The following IVD variants were observed in gnomAD, a reference collection of about 807,000 sequenced individuals.
IVD encodes isovaleryl-CoA dehydrogenase.
In IVD, 31 loss-of-function variants were observed where a neutral mutation model predicts 51.3. The observed-to-expected ratio is 0.60, with a 90% CI of 0.45 to 0.81. IVD has a LOEUF of 0.81. Ranked by LOEUF, IVD falls within the 40% of genes least tolerant of loss-of-function variation. The probability of loss-of-function intolerance (pLI) is 0.00; values close to 1 mark genes in which losing one functional copy is unlikely to be tolerated. For missense variants in IVD, 475 were observed against 552.0 expected, an observed-to-expected ratio of 0.86 and a Z score of 1.40; for synonymous variants, 205 against 219.4, an observed-to-expected ratio of 0.93 and a Z score of 0.58.
chr15:40,421,623 C>A (rs1892305377), downstream of IVD, among the ~76,000 whole-genome samples: 1 of 152,228 alleles, frequency 6.6e-6, no homozygotes, highest in Non-Finnish European at 1.5e-5. Context: ...CTGCCCCAGA[C>A]CTAATCACAT....
Position 40,420,183 on chromosome 15 carries a change from G to T in IVD, c.*1920G>T. 2 of 985,890 alleles carry T rather than the reference G, an allele frequency of 2.0e-6. No individual in the cohort carries two copies. Among genetic ancestry groups the T allele is most frequent in the African/African-American group, 1.7e-5 (1 of 57,390 alleles). The allele number at this position is 985,890 out of a possible 1,614,324, so 61.1% of individuals were successfully genotyped here. A position where few individuals can be genotyped will look rare whatever the true frequency, so the allele number is the denominator to read the frequency against. On this transcript the variant is annotated 3_prime_UTR_variant, in exon 12 of 12. Transcript: ENST00000487418. ...AGAGCAGAGGACAGCGTGCTTTTGT[G>T]TACTGTTGGAAGACTGGCTCCTCCT... is the stretch of plus-strand genomic sequence containing the variant.
In IVD at chr15:40,416,373, C is replaced by A; in HGVS notation, c.1138+11C>A. On this transcript the variant is annotated intron_variant, in intron 11 of 11. Transcript: ENST00000487418. ...GCATTCAGTGTTTTGGTGAGTGATC[C>A]CCACTTCCCAGTCCCGGGGCTCCCT... 1 of 1,612,788 alleles carries A rather than the reference C, an allele frequency of 6.2e-7. No homozygotes were observed. Among genetic ancestry groups the A allele is most frequent in the African/African-American group, 1.3e-5 (1 of 75,040 alleles).
intron 7 of IVD, among the ~76,000 whole-genome samples, chr15:40,430,521 A>G (rs1185877552): frequency 6.6e-6 from 1 of 152,202 alleles, no homozygotes; most frequent in Non-Finnish European, 1.5e-5. Context: ...GCTATGAGGC[A>G]GTCTATTTTG....
chr15:40,423,306 A>T (rs1892473061), downstream of IVD, among the ~76,000 whole-genome samples: 1 of 152,190 alleles, frequency 6.6e-6, no homozygotes, highest in Non-Finnish European at 1.5e-5. Context: ...AAGCTTATTT[A>T]AAAAAATAAA....
intron 1 of IVD, chr15:40,406,329 A>G: frequency 1.5e-6 from 2 of 1,353,882 alleles, no homozygotes; most frequent in South Asian, 2.5e-5. Flanking sequence ...TATGTAGTTC[A>G]CTTACACCTG....
At chr15:40,422,756 T>G (rs62018021), downstream of IVD, among the ~76,000 whole-genome samples, 1 of 70,906 alleles carries the variant, frequency 1.4e-5, no homozygotes, top group African/African-American at 3.4e-5. Flanking sequence ...TGTGCCACCA[T>G]GCCTGGCTAA....
intron 2 of IVD, 66 bp downstream of exon 2, chr15:40,407,791 G>T (rs1890616591): frequency 6.8e-7 from 1 of 1,467,502 alleles, no homozygotes; most frequent in Non-Finnish European, 9.4e-7. Flanking sequence ...CTGCTGCCTG[G>T]AAGAGCTCAC....
chr15:40,428,105 C>G (rs1892772288), downstream of IVD, among the ~76,000 whole-genome samples: 1 of 151,566 alleles, frequency 6.6e-6, no homozygotes, highest in Non-Finnish European at 1.5e-5. Context: ...TTGCTTGAAC[C>G]TGGGAGACGG....
At chr15:40,435,348 G>C in intron 8 of IVD, 3 of 980,828 alleles carry the variant, frequency 3.1e-6, no homozygotes, top group Non-Finnish European at 3.7e-6. Flanking sequence ...AGATGGTAGA[G>C]CTCCTGGTTG....
chr15:40,427,226 CAGAG>C (rs1892720660), downstream of IVD, among the ~76,000 whole-genome samples: 1 of 152,244 alleles, frequency 6.6e-6, no homozygotes, highest in Non-Finnish European at 1.5e-5. Context: ...CTCGCACTGG[CAGAG>C]AGAGACACAG....
chr15:40,422,224 T>G (rs1267477876), downstream of IVD, among the ~76,000 whole-genome samples: 3 of 114,802 alleles, frequency 2.6e-5, no homozygotes, highest in African/African-American at 7.7e-5. Context: ...TTTTAGCCAA[T>G]AAGGACATGA....
At position 40,407,921 on chromosome 15, in the gene IVD, G is replaced by A. The variant is rs78272986; in HGVS notation, c.235-18G>A. 2,861 of 1,613,792 alleles carry A rather than the reference G, an allele frequency of 1.8e-3. 39 individuals are homozygous for A. In the African/African-American group the frequency reaches 0.035, roughly 20 times the overall value. On this transcript the variant is annotated intron_variant, in intron 2 of 11. Coordinates refer to ENST00000487418, the MANE Select transcript of IVD (RefSeq NM_002225.5). Reference sequence around the variant, plus strand: ...TTCCCCTCAACACTTATTCCACTCTGCTCCATTCTGTTGGCAGGAATTTTG... The same window carrying A: ...TTCCCCTCAACACTTATTCCACTCTACTCCATTCTGTTGGCAGGAATTTTG...
At chr15:40,415,862 G>A (rs1331464937) in intron 9 of IVD, among the ~76,000 whole-genome samples, 1 of 152,250 alleles carries the variant, frequency 6.6e-6, no homozygotes, top group Non-Finnish European at 1.5e-5. Context: ...CGGAGGCAGT[G>A]ATGGCCACTT....
chr15:40,420,738 G>T lies in IVD; in HGVS notation c.*2475G>T. 4 of 985,784 alleles carry T rather than the reference G, an allele frequency of 4.1e-6. No homozygotes were observed. The highest frequency in any genetic ancestry group is 4.8e-6 in the Non-Finnish European group (4 of 830,102). 61.1% of individuals were successfully genotyped at this position (985,784 alleles called of 1,614,324 possible). A position where few individuals can be genotyped will look rare whatever the true frequency, so the allele number is the denominator to read the frequency against. On this transcript the variant is annotated 3_prime_UTR_variant, in exon 12 of 12. Transcript: ENST00000487418. Reference sequence around the variant, plus strand: ...GTTTTTAAAAAGATCAACACAATTTGACTTTCTCAAGGTCAAAACGAACTA... The same window carrying T: ...GTTTTTAAAAAGATCAACACAATTTTACTTTCTCAAGGTCAAAACGAACTA...
At chr15:40,432,497 A>G (rs1893034906) in intron 7 of IVD, among the ~76,000 whole-genome samples, 1 of 152,228 alleles carries the variant, frequency 6.6e-6, no homozygotes, top group African/African-American at 2.4e-5. Flanking sequence ...TAGTCCCCCC[A>G]GAGGGTGTCT....
At position 40,419,158 on chromosome 15, in the gene IVD, C is replaced by T; in HGVS notation, c.*895C>T. 1 of 1,289,164 alleles carries T rather than the reference C, an allele frequency of 7.8e-7. No homozygotes were observed. Among genetic ancestry groups the T allele is most frequent in the Non-Finnish European group, 1.0e-6 (1 of 988,788 alleles). The allele number at this position is 1,289,164 out of a possible 1,614,324, so 79.9% of individuals were successfully genotyped here. Reference sequence around the variant, plus strand: ...CAAAAAACAAAACAAAACAAAAAAACCCTGGCCCTTGTTTCTTCCAGTTTC... The same window carrying T: ...CAAAAAACAAAACAAAACAAAAAAATCCTGGCCCTTGTTTCTTCCAGTTTC... On this transcript the variant is annotated 3_prime_UTR_variant, in exon 12 of 12. Coordinates refer to ENST00000487418, the MANE Select transcript of IVD (RefSeq NM_002225.5).
At chr15:40,435,843 AC>A (rs1893236331), downstream of IVD, 1 of 360,028 alleles carries the variant, frequency 2.8e-6, no homozygotes, top group Non-Finnish European at 3.9e-6. Flanking sequence ...CCTTCTTGGA[AC>A]GTCCCCGCAC....
chr15:40,422,910 TTTTA>T (rs1892442128), downstream of IVD, among the ~76,000 whole-genome samples: 1 of 150,820 alleles, frequency 6.6e-6, no homozygotes, highest in East Asian at 1.9e-4. Flanking sequence ...AGGCCAGGAT[TTTTA>T]TTTGTTTGTT....
chr15:40,415,399 A>G lies in IVD; in HGVS notation c.879-2A>G. On this transcript the variant is annotated splice_acceptor_variant, in intron 8 of 11. Coordinates refer to ENST00000487418, the MANE Select transcript of IVD (RefSeq NM_002225.5). LOFTEE classifies it high-confidence loss of function. Reference sequence around the variant, plus strand: ...CCACGGGGCCTTTCTCCTTTCTGACAGGCTCATGCAAGCGGTCCTGGACCA... The same window carrying G: ...CCACGGGGCCTTTCTCCTTTCTGACGGGCTCATGCAAGCGGTCCTGGACCA... 6.2e-7 allele frequency: 1 copy of G among 1,613,950 alleles called. No homozygotes were observed. Among genetic ancestry groups the G allele is most frequent in the Non-Finnish European group, 8.5e-7 (1 of 1,179,830 alleles).
Sources: gnomAD v4.1 joint callset for allele counts (sites outside exome capture counted in the v4.1 genomes callset) on GRCh38, gnomAD v4.1.1 for gene constraint, MANE v1.5 for transcripts, NCBI Gene and HGNC (gene_info 2026-07-23, HGNC 2026-07-21) for gene names.